The following SLC4A10 variants were observed in gnomAD, a reference collection of about 807,000 sequenced individuals.
The protein encoded by SLC4A10 is sodium-driven chloride bicarbonate exchanger.
A neutral mutation model predicts 137.7 loss-of-function variants in SLC4A10; 42 were observed. That is an observed-to-expected ratio of 0.30 (90% CI 0.24 to 0.39). The LOEUF (loss-of-function observed/expected upper bound fraction) is 0.39, where lower values mean the gene tolerates loss of function less well. Among genes scored for constraint, SLC4A10 ranks in the 10% least tolerant of loss-of-function variants. The pLI is 1.00. For missense variants in SLC4A10, 925 were observed against 1,355.0 expected (o/e 0.68, Z 4.98); for synonymous variants, 474 against 464.1 (o/e 1.02, Z -0.27).
At chr2:161,879,409 A>C (rs576703399) in intron 9 of SLC4A10, 121 bp downstream of exon 9, 1 of 1,026,486 alleles carries the variant, frequency 9.7e-7, no homozygotes, top group African/African-American at 1.6e-5. Context: ...AAATCCACAA[A>C]ACTACTATTA....
intron 1 of SLC4A10, among the ~76,000 whole-genome samples, chr2:161,681,760 G>A (rs1174434421): frequency 6.6e-6 from 1 of 151,876 alleles, no homozygotes; most frequent in African/African-American, 2.4e-5. Flanking sequence ...GATCACTGTG[G>A]CTCTTCCTTC....
chr2:161,903,661 C>T (rs1007353377), intron 12 of SLC4A10, among the ~76,000 whole-genome samples: 3 of 152,032 alleles, frequency 2.0e-5, no homozygotes, highest in African/African-American at 4.8e-5. Flanking sequence ...GGTTGTAGGC[C>T]TGAGTTTAGG....
chr2:161,884,672 A>T (rs1366811442), intron 10 of SLC4A10, among the ~76,000 whole-genome samples: 1 of 152,222 alleles, frequency 6.6e-6, no homozygotes, highest in African/African-American at 2.4e-5. Context: ...TAATCATTGT[A>T]GATTATGGGA....
intron 1 of SLC4A10, among the ~76,000 whole-genome samples, chr2:161,658,682 C>G (rs2037891597): frequency 6.7e-6 from 1 of 149,012 alleles, no homozygotes; most frequent in South Asian, 2.1e-4. Context: ...CAACCTCTGC[C>G]CCCTGGGCTC....
At chr2:161,710,284 G>A (rs899103384) in intron 1 of SLC4A10, among the ~76,000 whole-genome samples, 2 of 151,654 alleles carry the variant, frequency 1.3e-5, no homozygotes, top group African/African-American at 4.8e-5. Context: ...GTATTTGCAT[G>A]TATTAGTCAT....
chr2:161,953,579 G>T (rs1242888846), intron 19 of SLC4A10, among the ~76,000 whole-genome samples: 1 of 151,796 alleles, frequency 6.6e-6, no homozygotes, highest in Non-Finnish European at 1.5e-5. Flanking sequence ...TTGCACCCTG[G>T]CCTGGGCGAC....
At chr2:161,962,446 A>T in intron 21 of SLC4A10, among the ~76,000 whole-genome samples, 1 of 152,338 alleles carries the variant, frequency 6.6e-6, no homozygotes, top group South Asian at 2.1e-4. Flanking sequence ...ATTGTAAGCC[A>T]GAAGATTTTA....
At chr2:161,886,065 C>G (rs1474623381) in intron 10 of SLC4A10, among the ~76,000 whole-genome samples, 1 of 152,072 alleles carries the variant, frequency 6.6e-6, no homozygotes, top group Non-Finnish European at 1.5e-5. Flanking sequence ...CACCACTGCA[C>G]TCCAGCCTGG....
At chr2:161,845,154 T>C (rs1575246600) in intron 4 of SLC4A10, among the ~76,000 whole-genome samples, 1 of 152,094 alleles carries the variant, frequency 6.6e-6, no homozygotes, top group East Asian at 1.9e-4. Flanking sequence ...CAGTGTCTGG[T>C]GTGCTCCCAG....
intron 20 of SLC4A10, among the ~76,000 whole-genome samples, chr2:161,957,716 G>C (rs954706707): frequency 2.4e-4 from 37 of 152,130 alleles, no homozygotes; most frequent in Non-Finnish European, 4.7e-4. Context: ...TAAAACCACT[G>C]TCTGGACATC....
At chr2:161,769,638 A>G (rs1212884425) in intron 1 of SLC4A10, among the ~76,000 whole-genome samples, 1 of 151,884 alleles carries the variant, frequency 6.6e-6, no homozygotes, top group Non-Finnish European at 1.5e-5. Context: ...TTGGAAAATA[A>G]TTTTGCATCA....
At chr2:161,765,359 C>T (rs1440142123) in intron 1 of SLC4A10, among the ~76,000 whole-genome samples, 1 of 152,102 alleles carries the variant, frequency 6.6e-6, no homozygotes, top group Non-Finnish European at 1.5e-5. Context: ...GTAATCTTAG[C>T]ACTTTGGGAA....
chr2:161,887,116 T>C (rs1478222142), intron 10 of SLC4A10, among the ~76,000 whole-genome samples: 1 of 152,180 alleles, frequency 6.6e-6, no homozygotes. Context: ...GCAAAGGACA[T>C]GAACGTGTCC....
intron 1 of SLC4A10, among the ~76,000 whole-genome samples, chr2:161,635,384 TA>T (rs2105439657): frequency 6.6e-6 from 1 of 152,246 alleles, no homozygotes; most frequent in South Asian, 2.1e-4. Context: ...AAAACACTCT[TA>T]TACTAAGCAG....
rs530289276 is a variant in SLC4A10 at position 161,725,136 on chromosome 2, G to A, written c.49-45837G>A. Among the ~76,000 whole-genome samples, 67 of 152,276 alleles carry A rather than the reference G, an allele frequency of 4.4e-4. No homozygotes were observed. In the Middle Eastern group the frequency reaches 0.01, roughly 23 times the overall value. ...TTGAACACTAGTAGGAATTCATATT[G>A]GCTGAGGTATGTAAGTATGGCTGGG... On this transcript the variant is annotated intron_variant, in intron 1 of 26. Transcript: ENST00000446997.
chr2:161,722,051 TCTC>T (rs1469540669), intron 1 of SLC4A10, among the ~76,000 whole-genome samples: 3 of 152,230 alleles, frequency 2.0e-5, no homozygotes, highest in Non-Finnish European at 4.4e-5. Flanking sequence ...TTTACGTTCC[TCTC>T]TAAACTGTTT....
At chr2:161,658,680 GC>G (rs2037891223) in intron 1 of SLC4A10, among the ~76,000 whole-genome samples, 1 of 141,330 alleles carries the variant, frequency 7.1e-6, no homozygotes, top group South Asian at 2.2e-4. Flanking sequence ...TGCAACCTCT[GC>G]CCCCTGGGCT....
chr2:161,645,933 A>G (rs2035971847), intron 1 of SLC4A10, among the ~76,000 whole-genome samples: 1 of 152,048 alleles, frequency 6.6e-6, no homozygotes, highest in Non-Finnish European at 1.5e-5. Context: ...GGGGAAAGGA[A>G]ATAGTCTAAA....
At chr2:161,932,136 A>G (rs893526451) in intron 15 of SLC4A10, among the ~76,000 whole-genome samples, 1 of 152,156 alleles carries the variant, frequency 6.6e-6, no homozygotes, top group East Asian at 1.9e-4. Context: ...AGAGAAATCA[A>G]TTTGGGAGAA....
Sources: allele counts gnomAD v4.1 joint callset (sites outside exome capture counted in the v4.1 genomes callset), GRCh38; gene constraint gnomAD v4.1.1; transcripts MANE v1.5; gene names NCBI Gene and HGNC (gene_info 2026-07-23, HGNC 2026-07-21).